The following TP53BP2 variants were observed in gnomAD, a reference collection of about 807,000 sequenced individuals.
TP53BP2 encodes the protein apoptosis-stimulating of p53 protein 2.
A neutral mutation model predicts 126.2 loss-of-function variants in TP53BP2; 62 were observed. The observed-to-expected ratio is 0.49, with a 90% CI of 0.40 to 0.61. TP53BP2 has a LOEUF of 0.61. Ranked by LOEUF, TP53BP2 falls within the 20% of genes least tolerant of loss-of-function variation. The probability of loss-of-function intolerance (pLI) is 0.00; values close to 1 mark genes in which losing one functional copy is unlikely to be tolerated. For missense variants in TP53BP2, 1,215 were observed against 1,402.8 expected (o/e 0.87, Z 2.14); for synonymous variants, 485 against 502.9 (o/e 0.96, Z 0.48).
Position 223,804,265 on chromosome 1 carries a change from T to C in TP53BP2, c.558A>G (p.Lys186=). The C allele has an allele frequency of 6.2e-7, 1 of 1,614,176 alleles. No individual in the cohort carries two copies. Among genetic ancestry groups the C allele is most frequent in the Non-Finnish European group, 8.5e-7 (1 of 1,180,020 alleles). ...VAEQEKLKRL[K]EIAENQEAKL... The stretch of plus-strand genomic sequence containing the variant: ...TAGCTTCCTGATTCTCAGCTATTTC[T>C]TTTAGCCTTTTAAGTTTCTCCTGCT... Residue 186 remains lysine (K), a synonymous_variant, in exon 6 of 18, where the codon AAA becomes AAG. Transcript: ENST00000343537.
chr1:223,808,524 G>C (rs1176187030), intron 4 of TP53BP2, among the ~76,000 whole-genome samples: 2 of 145,142 alleles, frequency 1.4e-5, no homozygotes, highest in Non-Finnish European at 1.5e-5. Context: ...CTAGGCGACA[G>C]AGTGAGACTC....
At chr1:223,832,047 T>C (rs185889936) in intron 1 of TP53BP2, among the ~76,000 whole-genome samples, 34 of 150,924 alleles carry the variant, frequency 2.3e-4, no homozygotes, top group Middle Eastern at 3.4e-3. Context: ...TAAGAGGAAA[T>C]ACAAAAAAAA....
chr1:223,806,828 A>C lies in TP53BP2; in HGVS notation c.474+18T>G. The C allele has an allele frequency of 1.2e-6, 2 of 1,609,568 alleles. No individual in the cohort carries two copies. Among genetic ancestry groups the C allele is most frequent in the South Asian group, 2.2e-5 (2 of 90,680 alleles). ...GACAGAGTGAGCATTCATCTCCAAA[A>C]AAAAAGGACGATACTACCTTAGTTG... On this transcript the variant is annotated intron_variant, in intron 5 of 17. Transcript: ENST00000343537.
In TP53BP2 at chr1:223,795,806, A is replaced by G; in HGVS notation, c.2724+9T>C. On this transcript the variant is annotated intron_variant, in intron 13 of 17. Coordinates refer to ENST00000343537, the MANE Select transcript of TP53BP2 (RefSeq NM_001031685.3). ...TCCGGAAAAGGCTATGAGATAGTAC[A>G]TTACTTACAGGAGGCAGAGAGACCT... 1 of 1,517,616 alleles carries G rather than the reference A, an allele frequency of 6.6e-7. No homozygotes were observed. Among genetic ancestry groups the G allele is most frequent in the South Asian group, 1.3e-5 (1 of 74,386 alleles). The allele number at this position is 1,517,616 out of a possible 1,614,324, so 94.0% of individuals were successfully genotyped here. A position where few individuals can be genotyped will look rare whatever the true frequency, so the allele number is the denominator to read the frequency against.
chr1:223,784,333 G>A lies in TP53BP2; in HGVS notation c.3164-19C>T, dbSNP rs562933757. 7.4e-6 allele frequency: 12 copies of A among 1,612,058 alleles called. No individual in the cohort carries two copies. The South Asian group carries it at 1.3e-4, about 18-fold the overall frequency. ...TGAACTCCTAAAATCATGACAGTAA[G>A]ATAAAGCACAGAATATACAACTTGG... On this transcript the variant is annotated intron_variant, in intron 16 of 17. Transcript: ENST00000343537.
chr1:223,795,758 A>C (rs1662294066), intron 13 of TP53BP2, 57 bp downstream of exon 13: 1 of 1,393,352 alleles, frequency 7.2e-7, no homozygotes, highest in Admixed American at 2.5e-5. Context: ...GACCACCAAG[A>C]AAATCGTAAC....
intron 1 of TP53BP2, among the ~76,000 whole-genome samples, 163 bp downstream of exon 1, chr1:223,845,491 C>G (rs1218446255): frequency 6.6e-6 from 1 of 152,172 alleles, no homozygotes; most frequent in Non-Finnish European, 1.5e-5. Context: ...AGGATGGAGC[C>G]TCCCCTTCCT....
At chr1:223,810,958 C>A (rs1281874823) in intron 3 of TP53BP2, among the ~76,000 whole-genome samples, 1 of 152,000 alleles carries the variant, frequency 6.6e-6, no homozygotes, top group Non-Finnish European at 1.5e-5. Context: ...ATATTTTTAA[C>A]TTATTATGAG....
intron 1 of TP53BP2, among the ~76,000 whole-genome samples, chr1:223,831,476 AAAAAATATATAT>A (rs1478746753): frequency 0.025 from 1,248 of 50,180 alleles, 45 homozygotes; most frequent in African/African-American, 0.091. Context: ...TAAAAAAAAA[AAAAAATATATAT>A]ATATATATAT....
In TP53BP2 at chr1:223,813,324, A is replaced by T. The variant is rs144425408; in HGVS notation, c.289+916T>A. ...ATTTCAGGGCCCCACCTGGGACCACAACACTAGAAGCCCTCTACCTCCGAA... is the reference window on the plus strand; with the variant it reads ...ATTTCAGGGCCCCACCTGGGACCACTACACTAGAAGCCCTCTACCTCCGAA... On this transcript the variant is annotated intron_variant, in intron 3 of 17. Coordinates refer to ENST00000343537, the MANE Select transcript of TP53BP2 (RefSeq NM_001031685.3). Among the ~76,000 whole-genome samples, 915 of 152,288 alleles carry T rather than the reference A, an allele frequency of 6.0e-3. 11 individuals carry two copies. The highest frequency in any genetic ancestry group is 0.019 in the African/African-American group (780 of 41,552).
intron 16 of TP53BP2, among the ~76,000 whole-genome samples, chr1:223,786,560 A>G (rs989804610): frequency 7.6e-5 from 11 of 145,430 alleles, no homozygotes; most frequent in East Asian, 2.0e-4. Context: ...CATTATATAT[A>G]TGTGTGTGTG....
intron 4 of TP53BP2, among the ~76,000 whole-genome samples, chr1:223,808,599 A>C (rs1662804705): frequency 6.6e-6 from 1 of 151,920 alleles, no homozygotes; most frequent in South Asian, 2.1e-4. Flanking sequence ...TTAACTCAAT[A>C]GGGATCATAG....
At chr1:223,784,670 T>C (rs1661889550) in intron 16 of TP53BP2, among the ~76,000 whole-genome samples, 3 of 152,176 alleles carry the variant, frequency 2.0e-5, no homozygotes, top group Non-Finnish European at 4.4e-5. Flanking sequence ...GTGAACGATA[T>C]GCCTGTCCAA....
intron 2 of TP53BP2, among the ~76,000 whole-genome samples, chr1:223,820,681 A>G (rs1663270993): frequency 6.6e-6 from 1 of 152,220 alleles, no homozygotes; most frequent in South Asian, 2.1e-4. Context: ...TGTAGGAACA[A>G]GGCAGAAATG....
intron 2 of TP53BP2, among the ~76,000 whole-genome samples, chr1:223,815,564 G>A (rs747386603): frequency 6.6e-5 from 10 of 152,200 alleles, no homozygotes; most frequent in African/African-American, 2.2e-4. Flanking sequence ...TGCTGTCCAC[G>A]CTGGACTGCC....
chr1:223,821,087 A>G, intron 2 of TP53BP2, 133 bp downstream of exon 2: 14 of 1,135,838 alleles, frequency 1.2e-5, no homozygotes, highest in Non-Finnish European at 1.6e-5. Flanking sequence ...GATCAGGAAC[A>G]CTATTTCTGC....
intron 1 of TP53BP2, among the ~76,000 whole-genome samples, chr1:223,825,502 C>T (rs41405749): frequency 0.039 from 5,880 of 152,208 alleles, 371 homozygotes; most frequent in African/African-American, 0.13. Flanking sequence ...TTTATTTTCA[C>T]GGTCAGTTTT....
chr1:223,818,518 G>T (rs1445373358), intron 2 of TP53BP2, among the ~76,000 whole-genome samples: 1 of 140,340 alleles, frequency 7.1e-6, no homozygotes, highest in Admixed American at 7.1e-5. Flanking sequence ...AAAAAAAAAA[G>T]AAAAGAAAAG....
chr1:223,788,200 G>A (rs1239586285), intron 16 of TP53BP2, among the ~76,000 whole-genome samples: 1 of 152,206 alleles, frequency 6.6e-6, no homozygotes, highest in African/African-American at 2.4e-5. Flanking sequence ...AAGGCCTAGA[G>A]ACAGAGGGAA....
Sources: allele counts gnomAD v4.1 joint callset (sites outside exome capture counted in the v4.1 genomes callset), GRCh38; gene constraint gnomAD v4.1.1; transcripts MANE v1.5; gene names NCBI Gene and HGNC (gene_info 2026-07-23, HGNC 2026-07-21).